POTEE: variants seen among roughly 807,000 people sequenced by gnomAD.
POTEE encodes POTE ankyrin domain family member E.
A neutral mutation model predicts 74.2 loss-of-function variants in POTEE; 21 were observed. The observed-to-expected ratio is 0.28, with a 90% confidence interval of 0.20 to 0.41. The LOEUF is 0.41. Ranked by LOEUF, POTEE falls within the 10% of genes least tolerant of loss-of-function variation. The pLI is 1.00. For synonymous variants in POTEE, 211 were observed against 432.8 expected (o/e 0.49, Z 6.36); for missense variants, 525 against 1,158.6 (o/e 0.45, Z 7.94).
At chr2:131,259,116 GGTAT>G (rs1157124079) in intron 16 of POTEE, among the ~76,000 whole-genome samples, 1 of 61,054 alleles carries the variant, frequency 1.6e-5, no homozygotes, top group Non-Finnish European at 3.3e-5. Context: ...CCTAGTCTCA[GGTAT>G]GTATGTGTGT....
intron 8 of POTEE, among the ~76,000 whole-genome samples, chr2:131,229,077 AC>A (rs1409044035): frequency 6.6e-6 from 1 of 150,916 alleles, no homozygotes; most frequent in Non-Finnish European, 1.5e-5. Flanking sequence ...GGGCATCTTG[AC>A]TTTATCCGCA....
chr2:131,220,966 A>AG (rs1484750360), intron 4 of POTEE, among the ~76,000 whole-genome samples: 1 of 151,414 alleles, frequency 6.6e-6, no homozygotes, highest in Non-Finnish European at 1.5e-5. Flanking sequence ...ATCTCAAAAA[A>AG]AAAAAAAGAA....
Position 131,213,121 on chromosome 2 carries a change from C to T in POTEE, c.-189+1938C>T, listed in dbSNP as rs200111617. Among the ~76,000 whole-genome samples, 260 of 151,954 alleles carry T rather than the reference C, an allele frequency of 1.7e-3. 2 individuals are homozygous for T. The highest frequency in any genetic ancestry group is 6.7e-3 in the Admixed American group (103 of 15,266). ...GATTATAGGTGCCTGCCACCACGCC[C>T]GGCTAATTTTTGTATTTTTAGTAGA... On this transcript the variant is annotated intron_variant, in intron 2 of 17. Coordinates refer to ENST00000683005, the MANE Select transcript of POTEE (RefSeq NM_001083538.3).
At chr2:131,226,119 T>C (rs1489542361) in intron 6 of POTEE, among the ~76,000 whole-genome samples, 1 of 152,040 alleles carries the variant, frequency 6.6e-6, no homozygotes, top group East Asian at 1.9e-4. Context: ...GACGCTGTAT[T>C]ATGGACTATC....
At chr2:131,233,815 G>T (rs1158146492) in intron 9 of POTEE, among the ~76,000 whole-genome samples, 2 of 150,392 alleles carry the variant, frequency 1.3e-5, no homozygotes, top group East Asian at 1.9e-4. Context: ...TTGGGGGACA[G>T]AGAGAAATGT....
chr2:131,210,923 C>T (rs1280796634), intron 1 of POTEE, among the ~76,000 whole-genome samples, 105 bp from the exon 2 acceptor site: 177 of 148,334 alleles, frequency 1.2e-3, no homozygotes, highest in African/African-American at 4.4e-3. Context: ...GGCTGGACTT[C>T]GGTGGGTGGG....
chr2:131,218,554 ACT>A lies in POTEE; in HGVS notation c.155_156del (p.Ser52CysfsTer73), dbSNP rs751280292. 6.2e-7 allele frequency: 1 copy of A among 1,610,790 alleles called. No homozygotes were observed. Among genetic ancestry groups the A allele is most frequent in the Admixed American group, 1.7e-5 (1 of 59,722 alleles). On this transcript the variant is annotated frameshift_variant, in exon 4 of 18. Coordinates refer to ENST00000683005, the MANE Select transcript of POTEE (RefSeq NM_001083538.3). LOFTEE classifies it high-confidence loss of function. ...GTGGGCACTTCTGGAGACCACGACG[ACT>A]CTGCTATGAAGACACTCAGGAGCAA...
rs776272978 is a variant in POTEE at position 131,218,808 on chromosome 2, C to T, written c.406C>T (p.Arg136Cys). 3.3e-5 allele frequency: 54 copies of T among 1,612,686 alleles called. No homozygotes were observed. Among genetic ancestry groups the T allele is most frequent in the Non-Finnish European group, 4.3e-5 (51 of 1,179,864 alleles). ...SAFMEPRYHVRGEDLDKLHRA... is the reference protein window; with the variant it reads ...SAFMEPRYHVCGEDLDKLHRA... ...CTTCATGGAGCCCAGGTACCACGTC[C>T]GTGGAGAAGATCTGGACAAGCTCCA... Residue 136 changes from arginine (R) to cysteine (C), a missense_variant, in exon 4 of 18, where the codon CGT (arginine) becomes TGT (cysteine). Physicochemically the swap from Arg to Cys is radical, Grantham distance 180 (BLOSUM62 -3). Transcript: ENST00000683005.
chr2:131,221,790 T>C (rs1310277326), intron 4 of POTEE, among the ~76,000 whole-genome samples: 1 of 152,208 alleles, frequency 6.6e-6, no homozygotes, highest in African/African-American at 2.4e-5. Flanking sequence ...TTATGAAAAT[T>C]AAAATAGCAA....
intron 17 of POTEE, 36 bp from the exon 18 acceptor site, chr2:131,263,319 T>C (rs1401352711): frequency 5.6e-6 from 9 of 1,594,134 alleles, no homozygotes; most frequent in Non-Finnish European, 3.4e-6. Context: ...TGTCAATCTA[T>C]TGAGTGCTAA....
Position 131,234,047 on chromosome 2 carries a change from A to T in POTEE, c.1127-2685A>T, listed in dbSNP as rs572636163. Among the ~76,000 whole-genome samples, 240 of 151,188 alleles carry T rather than the reference A, an allele frequency of 1.6e-3. 1 individual carries two copies. Among genetic ancestry groups the T allele is most frequent in the Admixed American group, 3.5e-3 (53 of 15,274 alleles). On this transcript the variant is annotated intron_variant, in intron 9 of 17. Coordinates refer to ENST00000683005, the MANE Select transcript of POTEE (RefSeq NM_001083538.3). ...CTCGCATCCTACTAGTTTGACTCTCACTAATAAGACTTGTCAAAGATCCAA... is the reference window on the plus strand; with the variant it reads ...CTCGCATCCTACTAGTTTGACTCTCTCTAATAAGACTTGTCAAAGATCCAA...
At chr2:131,230,595 T>G (rs563795062) in intron 8 of POTEE, among the ~76,000 whole-genome samples, 1 of 152,294 alleles carries the variant, frequency 6.6e-6, no homozygotes. Context: ...ATGCTAATGC[T>G]AGCTAATTTA....
chr2:131,260,602 A>G (rs531710243), intron 16 of POTEE, among the ~76,000 whole-genome samples: 1 of 149,528 alleles, frequency 6.7e-6, no homozygotes, highest in South Asian at 2.1e-4. Context: ...GATTGTTGAT[A>G]TGAACTCTCA....
Position 131,263,967 on chromosome 2 carries a change from G to C in POTEE, c.2512G>C (p.Ala838Pro), listed in dbSNP as rs1292327356. The change falls in exon 18 of 18, where the codon GCC becomes CCC. Residue 838 changes from alanine to proline, a missense_variant. Ala to Pro is a conservative substitution (Grantham distance 27, BLOSUM62 -1). Transcript: ENST00000683005. ...NTPAMYVAIQ[A>P]VPSLYTSGRT... ...CCCAGCCATGTACGTGGCCATCCAG[G>C]CCGTGCCGTCCCTGTACACCTCTGG... The C allele has an allele frequency of 1.2e-6, 2 of 1,614,190 alleles. No individual in the cohort carries two copies. Among genetic ancestry groups the C allele is most frequent in the Non-Finnish European group, 1.7e-6 (2 of 1,180,038 alleles).
chr2:131,209,607 C>T lies in POTEE; in HGVS notation c.-557C>T, dbSNP rs185978349. 1.4e-4 allele frequency among the ~76,000 whole-genome samples: 21 copies of T among 152,304 alleles called. 1 individual carries two copies. The highest frequency in any genetic ancestry group is 3.4e-3 in the Middle Eastern group (1 of 294). ...ACCTGTTTCTGGCTGGAGCCTCGGA[C>T]ACTGGCTCACTGCAGTTGGTGGTGT... On this transcript the variant is annotated 5_prime_UTR_variant, in exon 1 of 18. Coordinates refer to ENST00000683005, the MANE Select transcript of POTEE (RefSeq NM_001083538.3).
chr2:131,210,089 C>T (rs1004853465), intron 1 of POTEE, among the ~76,000 whole-genome samples: 1 of 144,844 alleles, frequency 6.9e-6, no homozygotes, highest in Non-Finnish European at 1.5e-5. Flanking sequence ...CTATTTTCTG[C>T]TGCACTGCCC....
intron 4 of POTEE, among the ~76,000 whole-genome samples, chr2:131,221,054 T>C (rs1436961449): frequency 6.6e-6 from 1 of 152,162 alleles, no homozygotes; most frequent in Non-Finnish European, 1.5e-5. Flanking sequence ...ACGTAGTCAT[T>C]TAAAGTTTAA....
At position 131,218,431 on chromosome 2, in the gene POTEE, C is replaced by T; in HGVS notation, c.29C>T (p.Ala10Val). MVVEVDSMPAASSVKKPFGL... is the reference protein window; with the variant it reads MVVEVDSMPVASSVKKPFGL... ...GTGGTTGAGGTTGATTCCATGCCGG[C>T]TGCCTCTTCTGTGAAGAAGCCATTT... The change falls in exon 4 of 18, where the codon GCT (alanine) becomes GTT (valine). Residue 10 changes from alanine to valine, a missense_variant. Transcript: ENST00000683005. 1 of 1,613,202 alleles carries T rather than the reference C, an allele frequency of 6.2e-7. No homozygotes were observed. Among genetic ancestry groups the T allele is most frequent in the African/African-American group, 1.3e-5 (1 of 74,678 alleles).
At chr2:131,216,108 A>C (rs1490724833) in intron 2 of POTEE, among the ~76,000 whole-genome samples, 1 of 152,042 alleles carries the variant, frequency 6.6e-6, no homozygotes, top group African/African-American at 2.4e-5. Context: ...TATATAAGTA[A>C]ATCAAAGAGC....
Sources: gnomAD v4.1 joint callset for allele counts (sites outside exome capture counted in the v4.1 genomes callset) on GRCh38, gnomAD v4.1.1 for gene constraint, MANE v1.5 for transcripts, NCBI Gene and HGNC (gene_info 2026-07-23, HGNC 2026-07-21) for gene names.